LANCL2: variants seen among roughly 807,000 people sequenced by gnomAD.
LANCL2 encodes the protein lanC-like protein 2.
In LANCL2, 33 loss-of-function variants were observed where a neutral mutation model predicts 56.9. The ratio of observed to expected loss-of-function variants is 0.58; its 90% CI spans 0.44 to 0.78. LANCL2 has a LOEUF of 0.78. LANCL2 is among the 30% of genes least tolerant of loss of function. The pLI is 0.00. For synonymous variants in LANCL2, 233 were observed against 228.2 expected (o/e 1.02, Z -0.19); for missense variants, 562 against 580.2 (o/e 0.97, Z 0.32).
intron 2 of LANCL2, among the ~76,000 whole-genome samples, chr7:55,395,534 A>G (rs1164678303): frequency 6.6e-6 from 1 of 152,304 alleles, no homozygotes; most frequent in East Asian, 1.9e-4. Flanking sequence ...GCACCGGGGC[A>G]GAGTGTCCTT....
intron 1 of LANCL2, among the ~76,000 whole-genome samples, chr7:55,376,938 C>T (rs957339033): frequency 3.7e-4 from 57 of 152,136 alleles, no homozygotes; most frequent in African/African-American, 1.3e-3. Context: ...TCTTCCTCAC[C>T]TATTTCAAAG....
At chr7:55,420,818 T>C (rs1268814554) in intron 6 of LANCL2, among the ~76,000 whole-genome samples, 1 of 152,254 alleles carries the variant, frequency 6.6e-6, no homozygotes, top group Non-Finnish European at 1.5e-5. Flanking sequence ...TTGTTTCGGC[T>C]GTTTGTTTAC....
In LANCL2 at chr7:55,365,941, G is replaced by A. The variant is rs1789855638; in HGVS notation, c.-85G>A. 4.5e-6 allele frequency: 5 copies of A among 1,102,480 alleles called. No homozygotes were observed. The highest frequency in any genetic ancestry group is 3.8e-5 in the Admixed American group (1 of 26,552). 68.3% of individuals were successfully genotyped at this position (1,102,480 alleles called of 1,614,324 possible). On this transcript the variant is annotated 5_prime_UTR_variant, in exon 1 of 9. Transcript: ENST00000254770. ...CCTCCTAGAGGACGCTCTCTGCGCG[G>A]GCCCTCGGAGGAGGCGGCGGCGGGG...
At chr7:55,391,079 C>T (rs375005157) in intron 1 of LANCL2, among the ~76,000 whole-genome samples, 2 of 140,750 alleles carry the variant, frequency 1.4e-5, no homozygotes, top group African/African-American at 2.7e-5. Flanking sequence ...TGCAGTGGTG[C>T]GATCTCGGCT....
At chr7:55,387,863 T>A (rs1451945734) in intron 1 of LANCL2, among the ~76,000 whole-genome samples, 1 of 152,194 alleles carries the variant, frequency 6.6e-6, no homozygotes, top group East Asian at 1.9e-4. Context: ...TTCTGTAAAA[T>A]TTCTTATTAT....
At position 55,414,293 on chromosome 7, in the gene LANCL2, C is replaced by G. The variant is rs1029611459; in HGVS notation, c.1008+2204C>G. 6.0e-5 allele frequency among the ~76,000 whole-genome samples: 9 copies of G among 150,308 alleles called. No individual in the cohort carries two copies. In the South Asian group the frequency reaches 1.3e-3, roughly 21 times the overall value. On this transcript the variant is annotated intron_variant, in intron 6 of 8. Coordinates refer to ENST00000254770, the MANE Select transcript of LANCL2 (RefSeq NM_018697.4). ...AAGGCAGGGGGTTCAGTGGGGGAGG[C>G]AAAACTAGGGAAGTACAGCTCTACA...
chr7:55,412,181 T>G, intron 6 of LANCL2, 92 bp downstream of exon 6: 1 of 1,177,064 alleles, frequency 8.5e-7, no homozygotes, highest in South Asian at 1.5e-5. Context: ...GCCATTTGAC[T>G]GTACACTAAA....
intron 1 of LANCL2, among the ~76,000 whole-genome samples, chr7:55,367,697 C>G (rs1789891294): frequency 6.6e-6 from 1 of 152,186 alleles, no homozygotes; most frequent in Non-Finnish European, 1.5e-5. Context: ...TGCACTCCAG[C>G]CTGGGCGACA....
chr7:55,390,256 T>TGACTATGGAA (rs756251076), intron 1 of LANCL2, among the ~76,000 whole-genome samples: 3 of 152,122 alleles, frequency 2.0e-5, no homozygotes, highest in Non-Finnish European at 4.4e-5. Context: ...GGAGAAATAA[T>TGACTATGGAA]TCCATAGTCA....
At chr7:55,415,535 T>C (rs1373428977) in intron 6 of LANCL2, among the ~76,000 whole-genome samples, 1 of 152,192 alleles carries the variant, frequency 6.6e-6, no homozygotes. Context: ...CTATACTTTT[T>C]TTCCTCCTTA....
At chr7:55,428,218 C>T (rs1458115322) in intron 7 of LANCL2, 157 bp from the exon 8 acceptor site, 6 of 656,794 alleles carry the variant, frequency 9.1e-6, no homozygotes, top group African/African-American at 9.0e-5. Flanking sequence ...GGGCCTCACC[C>T]CTGGAAGAGG....
rs548764909 is a variant in LANCL2, at chr7:55,370,394, G to A, written c.204+4165G>A. ...AAGCAAGACAGTAAATCCAGCCCAC[G>A]CTCAAGTGGAGGGGTTATACAGGAG... On this transcript the variant is annotated intron_variant, in intron 1 of 8. Coordinates refer to ENST00000254770, the MANE Select transcript of LANCL2 (RefSeq NM_018697.4). Among the ~76,000 whole-genome samples, 294 of 152,172 alleles carry A rather than the reference G, an allele frequency of 1.9e-3. 1 individual carries two copies. Among genetic ancestry groups the A allele is most frequent in the Non-Finnish European group, 2.9e-3 (199 of 68,030 alleles).
At chr7:55,420,925 C>T (rs1790601181) in intron 6 of LANCL2, among the ~76,000 whole-genome samples, 1 of 152,208 alleles carries the variant, frequency 6.6e-6, no homozygotes, top group African/African-American at 2.4e-5. Context: ...AGGCTCTGTT[C>T]TAATACATGT....
At chr7:55,378,896 G>A (rs1790033083) in intron 1 of LANCL2, among the ~76,000 whole-genome samples, 2 of 152,202 alleles carry the variant, frequency 1.3e-5, no homozygotes, top group African/African-American at 4.8e-5. Context: ...ACTTTGGGAG[G>A]CCGAGGCAGG....
chr7:55,416,005 A>G (rs1790535153), intron 6 of LANCL2, among the ~76,000 whole-genome samples: 1 of 152,118 alleles, frequency 6.6e-6, no homozygotes, highest in Non-Finnish European at 1.5e-5. Flanking sequence ...CTAGAGACAC[A>G]TGTCTTCATT....
At chr7:55,410,714 A>G (rs1380894229) in intron 5 of LANCL2, among the ~76,000 whole-genome samples, 1 of 152,214 alleles carries the variant, frequency 6.6e-6, no homozygotes, top group East Asian at 1.9e-4. Context: ...TGTGGTGTTA[A>G]CATGTCACCC....
chr7:55,369,917 G>T (rs1789923992), intron 1 of LANCL2, among the ~76,000 whole-genome samples: 1 of 152,224 alleles, frequency 6.6e-6, no homozygotes, highest in Admixed American at 6.5e-5. Flanking sequence ...CTCGAGTAAA[G>T]GCCCCTGTGA....
intron 1 of LANCL2, among the ~76,000 whole-genome samples, chr7:55,381,668 A>T (rs1285943129): frequency 6.6e-6 from 1 of 152,208 alleles, no homozygotes; most frequent in Admixed American, 6.5e-5. Context: ...GCTGGGACAG[A>T]CCCCTGTAAC....
At chr7:55,388,268 G>A (rs879859245) in intron 1 of LANCL2, among the ~76,000 whole-genome samples, 36 of 152,196 alleles carry the variant, frequency 2.4e-4, no homozygotes, top group African/African-American at 7.5e-4. Flanking sequence ...GGAATGGGCC[G>A]GGCACTGTGG....
Sources: gnomAD v4.1 joint callset for allele counts (sites outside exome capture counted in the v4.1 genomes callset) on GRCh38, gnomAD v4.1.1 for gene constraint, MANE v1.5 for transcripts, NCBI Gene and HGNC (gene_info 2026-07-23, HGNC 2026-07-21) for gene names.